The following KCNN2 variants were observed in gnomAD, a reference collection of about 807,000 sequenced individuals.
KCNN2 encodes the protein small conductance calcium-activated potassium channel protein 2.
In KCNN2, 24 loss-of-function variants were observed where a neutral mutation model predicts 55.5. That is an observed-to-expected ratio of 0.43 (90% CI 0.31 to 0.61). The LOEUF (loss-of-function observed/expected upper bound fraction) is 0.61. Among genes scored for constraint, KCNN2 ranks in the 20% least tolerant of loss-of-function variants. KCNN2 has a pLI of 0.08. For synonymous variants in KCNN2, 431 were observed against 336.1 expected, an observed-to-expected ratio of 1.28 and a Z score of -3.09; for missense variants, 754 against 853.6, an observed-to-expected ratio of 0.88 and a Z score of 1.45.
intron 1 of KCNN2, among the ~76,000 whole-genome samples, chr5:114,106,442 A>G (rs972028605): frequency 6.6e-6 from 1 of 151,948 alleles, no homozygotes; most frequent in Admixed American, 6.6e-5. Context: ...CAAAGTGGTT[A>G]TATTAATTCC....
chr5:114,386,105 C>T (rs1221668632), intron 2 of KCNN2, among the ~76,000 whole-genome samples: 5 of 150,170 alleles, frequency 3.3e-5, no homozygotes, highest in African/African-American at 7.4e-5. Flanking sequence ...TGGCGTGAAC[C>T]GAGGAGACAG....
At chr5:114,182,293 C>G (rs757457384) in intron 1 of KCNN2, among the ~76,000 whole-genome samples, 11 of 151,898 alleles carry the variant, frequency 7.2e-5, no homozygotes, top group South Asian at 2.1e-4. Context: ...ATTACTCTAG[C>G]TTTATAGTAA....
chr5:114,388,388 G>A (rs1476765867), intron 2 of KCNN2, among the ~76,000 whole-genome samples: 1 of 152,000 alleles, frequency 6.6e-6, no homozygotes, highest in Non-Finnish European at 1.5e-5. Context: ...CAGTGTTTAA[G>A]GTTGATCAGA....
intron 2 of KCNN2, among the ~76,000 whole-genome samples, chr5:114,309,308 A>G (rs1285317940): frequency 3.3e-5 from 5 of 152,176 alleles, no homozygotes; most frequent in East Asian, 1.9e-4. Flanking sequence ...ACTAGGCTCA[A>G]TTATCAAGGC....
intron 6 of KCNN2, among the ~76,000 whole-genome samples, chr5:114,490,295 AC>A (rs578253599): frequency 2.0e-5 from 3 of 151,904 alleles, no homozygotes; most frequent in East Asian, 3.9e-4. Flanking sequence ...GAAAAGATGT[AC>A]CCCCCCAAAA....
rs1458678711 is a variant in KCNN2 at position 114,385,519 on chromosome 5, G to GCGCACACA, written c.1219-18918_1219-18917insGCACACAC. Among the ~76,000 whole-genome samples, 909 of 143,440 alleles carry GCGCACACA rather than the reference G, an allele frequency of 6.3e-3. 11 individuals carry two copies. The highest frequency in any genetic ancestry group is 0.02 in the African/African-American group (753 of 37,864). The allele number at this position is 143,440 out of a possible 152,430, so 94.1% of individuals were successfully genotyped here. A position where few individuals can be genotyped will look rare whatever the true frequency, so the allele number is the denominator to read the frequency against. On this transcript the variant is annotated intron_variant, in intron 2 of 7. Coordinates refer to ENST00000673685, the MANE Select transcript of KCNN2 (RefSeq NM_021614.4). ...TTATTGACAGCATACACACATGCGC[G>GCGCACACA]CACACACACACACACACACACACAC...
At chr5:114,075,257 A>C (rs1289482945) in intron 1 of KCNN2, among the ~76,000 whole-genome samples, 2 of 152,234 alleles carry the variant, frequency 1.3e-5, no homozygotes, top group Non-Finnish European at 2.9e-5. Context: ...TGAAGGCAGG[A>C]GGAACAGCAC....
intron 2 of KCNN2, among the ~76,000 whole-genome samples, chr5:114,336,549 C>G (rs1428340768): frequency 6.6e-6 from 1 of 152,172 alleles, no homozygotes; most frequent in Non-Finnish European, 1.5e-5. Flanking sequence ...CCAACACTCA[C>G]AAGCCTTGCA....
At chr5:114,219,534 G>A (rs1259282254) in intron 1 of KCNN2, among the ~76,000 whole-genome samples, 1 of 152,130 alleles carries the variant, frequency 6.6e-6, no homozygotes, top group Non-Finnish European at 1.5e-5. Context: ...CTGTCAAGGT[G>A]TCCCTCTGAA....
chr5:114,381,719 C>A (rs908985466), intron 2 of KCNN2, among the ~76,000 whole-genome samples: 3 of 152,214 alleles, frequency 2.0e-5, no homozygotes, highest in Admixed American at 2.0e-4. Flanking sequence ...CTCTTCCTTT[C>A]CTGAGCAACA....
intron 2 of KCNN2, among the ~76,000 whole-genome samples, chr5:114,329,391 G>A (rs184451049): frequency 5.3e-5 from 8 of 152,270 alleles, no homozygotes; most frequent in Non-Finnish European, 5.9e-5. Flanking sequence ...CTGCCAGTGC[G>A]GCTAGAATAA....
At chr5:114,369,622 G>A (rs1242673629) in intron 2 of KCNN2, among the ~76,000 whole-genome samples, 1 of 152,074 alleles carries the variant, frequency 6.6e-6, no homozygotes, top group Non-Finnish European at 1.5e-5. Flanking sequence ...TGTCTATATT[G>A]CCAGCATCCT....
intron 1 of KCNN2, among the ~76,000 whole-genome samples, chr5:114,208,891 T>TTC (rs1166970841): frequency 1.3e-5 from 2 of 152,184 alleles, no homozygotes; most frequent in Non-Finnish European, 2.9e-5. Context: ...AACTACTATG[T>TTC]TCTCTCTCTT....
At chr5:114,101,670 T>A (rs1751375742) in intron 1 of KCNN2, among the ~76,000 whole-genome samples, 1 of 151,714 alleles carries the variant, frequency 6.6e-6, no homozygotes, top group Non-Finnish European at 1.5e-5. Flanking sequence ...CACTTATGAG[T>A]GAGAACATGT....
At chr5:114,212,834 A>G (rs1287489203) in intron 1 of KCNN2, among the ~76,000 whole-genome samples, 1 of 152,052 alleles carries the variant, frequency 6.6e-6, no homozygotes, top group Non-Finnish European at 1.5e-5. Flanking sequence ...GTCTTGGCCT[A>G]ATTAGTAGTG....
chr5:114,407,057 C>T (rs984471914), intron 3 of KCNN2, among the ~76,000 whole-genome samples: 3 of 151,866 alleles, frequency 2.0e-5, no homozygotes, highest in African/African-American at 7.3e-5. Context: ...TTTCTGGAGG[C>T]TTCTAGTATT....
At chr5:114,447,686 A>T (rs889518347) in intron 3 of KCNN2, among the ~76,000 whole-genome samples, 1 of 152,202 alleles carries the variant, frequency 6.6e-6, no homozygotes, top group African/African-American at 2.4e-5. Context: ...GGGAAAAAAA[A>T]AGTTTGTTAG....
At chr5:114,395,194 G>A (rs1219096261) in intron 2 of KCNN2, among the ~76,000 whole-genome samples, 1 of 152,190 alleles carries the variant, frequency 6.6e-6, no homozygotes, top group Non-Finnish European at 1.5e-5. Context: ...TTACCTCTTT[G>A]TGGGCAGGCC....
intron 5 of KCNN2, among the ~76,000 whole-genome samples, chr5:114,479,808 A>T (rs1762143069): frequency 6.6e-6 from 1 of 152,204 alleles, no homozygotes; most frequent in Non-Finnish European, 1.5e-5. Context: ...ATTAAGGCAG[A>T]AATCAAGAAG....
Sources: allele counts gnomAD v4.1 joint callset (sites outside exome capture counted in the v4.1 genomes callset), GRCh38; gene constraint gnomAD v4.1.1; transcripts MANE v1.5; gene names NCBI Gene and HGNC (gene_info 2026-07-23, HGNC 2026-07-21).